PCDH15: variants seen among roughly 807,000 people sequenced by gnomAD.
The protein encoded by PCDH15 is protocadherin related 15.
In PCDH15, 129 loss-of-function variants were observed where a neutral mutation model predicts 178.5. The observed-to-expected ratio is 0.72, with a 90% CI of 0.63 to 0.84. PCDH15 has a LOEUF of 0.84. Among genes scored for constraint, PCDH15 ranks in the 40% least tolerant of loss-of-function variants. PCDH15 has a pLI of 0.00. For synonymous variants in PCDH15, 800 were observed against 732.0 expected (o/e 1.09, Z -1.50); for missense variants, 2,230 against 2,099.9 (o/e 1.06, Z -1.21).
chr10:54,299,465 G>T (rs1031740211), intron 8 of PCDH15, among the ~76,000 whole-genome samples: 9 of 152,172 alleles, frequency 5.9e-5, no homozygotes, highest in Admixed American at 5.9e-4. Context: ...ATAATTAAGG[G>T]TCTTCTCTGT....
At chr10:54,892,304 G>T (rs1381225512) in intron 3 of PCDH15, among the ~76,000 whole-genome samples, 1 of 152,060 alleles carries the variant, frequency 6.6e-6, no homozygotes, top group African/African-American at 2.4e-5. Context: ...TTTCTCAGTA[G>T]ATCAAATATT....
At chr10:55,111,137 G>T in intron 2 of PCDH15, among the ~76,000 whole-genome samples, 1 of 152,100 alleles carries the variant, frequency 6.6e-6, no homozygotes, top group Non-Finnish European at 1.5e-5. Flanking sequence ...TGAAGCAGTA[G>T]AATAAGAAAA....
At chr10:53,870,379 T>A (rs116641526) in intron 26 of PCDH15, among the ~76,000 whole-genome samples, 2,128 of 152,252 alleles carry the variant, frequency 0.014, 49 homozygotes, top group African/African-American at 0.048. Context: ...AAAGTTTTTT[T>A]AAAAATCTTG....
chr10:54,397,211 C>T (rs1354092430), intron 3 of PCDH15, among the ~76,000 whole-genome samples: 1 of 151,938 alleles, frequency 6.6e-6, no homozygotes, highest in Non-Finnish European at 1.5e-5. Context: ...AAATAGTCTC[C>T]CAGCCACTTG....
chr10:54,952,686 T>C (rs1838375403), intron 2 of PCDH15, among the ~76,000 whole-genome samples: 1 of 151,770 alleles, frequency 6.6e-6, no homozygotes, highest in African/African-American at 2.4e-5. Flanking sequence ...AATTTTGTAG[T>C]TTTCCTCATA....
At chr10:54,052,448 T>A (rs1430190764) in intron 18 of PCDH15, among the ~76,000 whole-genome samples, 2 of 152,230 alleles carry the variant, frequency 1.3e-5, no homozygotes, top group Non-Finnish European at 2.9e-5. Context: ...TAAGGTTTAA[T>A]GACTGCCCTC....
intron 23 of PCDH15, among the ~76,000 whole-genome samples, chr10:53,944,976 C>T (rs1416684305): frequency 6.6e-6 from 1 of 152,148 alleles, no homozygotes; most frequent in Non-Finnish European, 1.5e-5. Flanking sequence ...ACTTTCTTGG[C>T]CGTTTTAAAC....
chr10:53,922,838 G>A (rs1176225452), intron 25 of PCDH15, among the ~76,000 whole-genome samples: 1 of 152,136 alleles, frequency 6.6e-6, no homozygotes, highest in Non-Finnish European at 1.5e-5. Flanking sequence ...TGTAATCCCA[G>A]CACTTTGGGA....
At chr10:54,309,320 TACACACACACACACACAC>T (rs71984217) in intron 8 of PCDH15, among the ~76,000 whole-genome samples, 2 of 146,184 alleles carry the variant, frequency 1.4e-5, no homozygotes, top group Non-Finnish European at 3.0e-5. Context: ...TATACGTACA[TACACACACACACACACAC>T]ACACACACAC....
chr10:55,016,639 A>G (rs1273905837), intron 2 of PCDH15, among the ~76,000 whole-genome samples: 1 of 152,072 alleles, frequency 6.6e-6, no homozygotes, highest in Non-Finnish European at 1.5e-5. Flanking sequence ...ACTTTTCTTT[A>G]TGCAATCATC....
intron 3 of PCDH15, among the ~76,000 whole-genome samples, chr10:54,442,453 TATATATAC>T (rs2075879422): frequency 1.1e-4 from 11 of 101,620 alleles, no homozygotes; most frequent in African/African-American, 4.2e-4. Context: ...TATATATATA[TATATATAC>T]AGTCTTTTTT....
intron 1 of PCDH15, among the ~76,000 whole-genome samples, chr10:54,673,659 A>C (rs990665868): frequency 6.6e-6 from 1 of 152,018 alleles, no homozygotes; most frequent in Non-Finnish European, 1.5e-5. Context: ...GCTGGTCTGG[A>C]ACTCCCGACC....
intron 1 of PCDH15, among the ~76,000 whole-genome samples, chr10:55,316,209 G>T (rs2132294186): frequency 6.6e-6 from 1 of 152,106 alleles, no homozygotes; most frequent in African/African-American, 2.4e-5. Flanking sequence ...AAATAATATT[G>T]TCACTGGTCA....
At position 54,119,868 on chromosome 10, in the gene PCDH15, A is replaced by G. The variant is rs578014441; in HGVS notation, c.1917+13007T>C. Among the ~76,000 whole-genome samples, 97 of 151,924 alleles carry G rather than the reference A, an allele frequency of 6.4e-4. 1 individual carries two copies. Among genetic ancestry groups the G allele is most frequent in the South Asian group, 5.4e-3 (26 of 4,800 alleles). On this transcript the variant is annotated intron_variant, in intron 15 of 37. Coordinates refer to ENST00000644397, the MANE Select transcript of PCDH15 (RefSeq NM_001384140.1). ...TACATGTGCCATGGTGGTTTGCTGC[A>G]CTCATCCACCCGCGATCTACATTAG... is the stretch of plus-strand genomic sequence containing the variant.
At chr10:55,052,892 C>G (rs1841201819) in intron 2 of PCDH15, among the ~76,000 whole-genome samples, 1 of 152,020 alleles carries the variant, frequency 6.6e-6, no homozygotes, top group South Asian at 2.1e-4. Context: ...ATAGAAAGAG[C>G]ATCACAGTAA....
chr10:54,788,991 T>C (rs2133525652), intron 1 of PCDH15, among the ~76,000 whole-genome samples: 1 of 151,976 alleles, frequency 6.6e-6, no homozygotes, highest in Non-Finnish European at 1.5e-5. Flanking sequence ...GATATTTATA[T>C]TCCCCATGAG....
At chr10:54,019,951 A>T (rs2135278508) in intron 20 of PCDH15, among the ~76,000 whole-genome samples, 1 of 152,246 alleles carries the variant, frequency 6.6e-6, no homozygotes, top group African/African-American at 2.4e-5. Context: ...ATGCAGACTC[A>T]AATTTCCATG....
At chr10:53,824,653 G>A (rs568126965) in intron 32 of PCDH15, among the ~76,000 whole-genome samples, 5 of 152,112 alleles carry the variant, frequency 3.3e-5, no homozygotes, top group South Asian at 2.1e-4. Context: ...TTTACTCTTC[G>A]AATCTTGAAA....
intron 1 of PCDH15, among the ~76,000 whole-genome samples, chr10:55,251,591 C>T (rs1188936816): frequency 2.6e-5 from 4 of 152,016 alleles, no homozygotes; most frequent in African/African-American, 7.2e-5. Flanking sequence ...TGAAGGACAT[C>T]GCCTATATTT....
Sources: allele counts gnomAD v4.1 joint callset (sites outside exome capture counted in the v4.1 genomes callset), GRCh38; gene constraint gnomAD v4.1.1; transcripts MANE v1.5; gene names NCBI Gene and HGNC (gene_info 2026-07-23, HGNC 2026-07-21).